RSBN1L: variants seen among roughly 807,000 people sequenced by gnomAD.
The protein encoded by RSBN1L is lysine-specific demethylase RSBN1L.
In RSBN1L, 30 loss-of-function variants were observed where a neutral mutation model predicts 67.7. The ratio of observed to expected loss-of-function variants is 0.44; its 90% CI spans 0.33 to 0.60. RSBN1L has a LOEUF of 0.60. RSBN1L is among the 20% of genes least tolerant of loss of function. RSBN1L has a pLI of 0.02. For missense variants in RSBN1L, 992 were observed against 1,031.7 expected, an observed-to-expected ratio of 0.96 and a Z score of 0.53; for synonymous variants, 433 against 387.0, an observed-to-expected ratio of 1.12 and a Z score of -1.39.
At chr7:77,725,363 C>T (rs1179105125) in intron 1 of RSBN1L, among the ~76,000 whole-genome samples, 2 of 48,514 alleles carry the variant, frequency 4.1e-5, no homozygotes, top group African/African-American at 4.3e-4. Context: ...ATTCTCCTGC[C>T]TCAGCCTCCC....
At chr7:77,732,104 CTT>C (rs1791279154) in intron 1 of RSBN1L, among the ~76,000 whole-genome samples, 1 of 151,998 alleles carries the variant, frequency 6.6e-6, no homozygotes, top group Non-Finnish European at 1.5e-5. Context: ...TGTTAGAATT[CTT>C]ACTTTTATTC....
chr7:77,723,786 T>C (rs1458242919), intron 1 of RSBN1L, among the ~76,000 whole-genome samples: 1 of 151,934 alleles, frequency 6.6e-6, no homozygotes, highest in Non-Finnish European at 1.5e-5. Flanking sequence ...ATACAAAAAT[T>C]AGCTGGACAT....
chr7:77,778,237 C>A, intron 6 of RSBN1L, 101 bp from the exon 7 acceptor site: 1 of 743,902 alleles, frequency 1.3e-6, no homozygotes, highest in Non-Finnish European at 2.2e-6. Context: ...TAAGACAGTA[C>A]TATGGTATTG....
chr7:77,754,267 C>G (rs1474245258), intron 3 of RSBN1L, among the ~76,000 whole-genome samples: 2 of 152,116 alleles, frequency 1.3e-5, no homozygotes, highest in South Asian at 4.1e-4. Flanking sequence ...TTCCTTGGCT[C>G]TTTACATTTC....
intron 2 of RSBN1L, among the ~76,000 whole-genome samples, chr7:77,746,900 G>A (rs1791491391): frequency 6.6e-6 from 1 of 152,214 alleles, no homozygotes. Context: ...CCCACATCCA[G>A]GACACTCTCA....
chr7:77,716,832 A>G (rs1791055746), intron 1 of RSBN1L, among the ~76,000 whole-genome samples: 1 of 151,866 alleles, frequency 6.6e-6, no homozygotes, highest in Non-Finnish European at 1.5e-5. Flanking sequence ...GGGTTTCACC[A>G]TGTTGACCAG....
chr7:77,777,028 A>G (rs1040935132), intron 6 of RSBN1L, among the ~76,000 whole-genome samples: 1 of 147,946 alleles, frequency 6.8e-6, no homozygotes, highest in African/African-American at 2.5e-5. Context: ...TACCTCCATG[A>G]TTTGGTTAGT....
intron 1 of RSBN1L, among the ~76,000 whole-genome samples, chr7:77,703,909 C>A (rs1317988593): frequency 2.0e-5 from 3 of 152,132 alleles, no homozygotes; most frequent in Admixed American, 1.3e-4. Context: ...CCTGCTTCAC[C>A]CTCCCCAGTA....
chr7:77,739,649 G>T (rs1458467934), intron 2 of RSBN1L, among the ~76,000 whole-genome samples: 3 of 138,838 alleles, frequency 2.2e-5, no homozygotes, highest in African/African-American at 8.0e-5. Flanking sequence ...GGAGGCAAAG[G>T]CTGCAGCCGA....
chr7:77,735,335 C>T (rs1369592997), intron 1 of RSBN1L, among the ~76,000 whole-genome samples: 2 of 152,006 alleles, frequency 1.3e-5, no homozygotes, highest in African/African-American at 4.8e-5. Context: ...TGTAAAATAT[C>T]TCATCATTTA....
rs1791783371 is a variant in RSBN1L, at chr7:77,767,404, C to CCAG, written c.1483-1257_1483-1256insCAG. ...TTGTTTTTGGTTTCAGATGGAGTCT[C>CCAG]GCTGTGTCATCCAGGCTGGAGGGCA... On this transcript the variant is annotated intron_variant, in intron 4 of 7. Transcript: ENST00000334955. 2.0e-5 allele frequency among the ~76,000 whole-genome samples: 3 copies of CCAG among 151,738 alleles called. 1 individual carries two copies. In the South Asian group the frequency reaches 6.2e-4, roughly 31 times the overall value.
At position 77,696,620 on chromosome 7, in the gene RSBN1L, A is replaced by G. The variant is rs1212346468; in HGVS notation, c.151A>G (p.Lys51Glu). The G allele has an allele frequency of 3.1e-6, 5 of 1,614,028 alleles. No homozygotes were observed. Among genetic ancestry groups the G allele is most frequent in the African/African-American group, 1.3e-5 (1 of 75,046 alleles). The change falls in exon 1 of 8, where the codon AAG (lysine) becomes GAG (glutamate). Residue 51 changes from lysine (K) to glutamate (E), a missense_variant. Physicochemically the swap from Lys to Glu is moderately conservative, Grantham distance 56. This residue lies in a region of RSBN1L where 575 missense variants were observed against 483.2 expected (regional missense o/e 1.19). Transcript: ENST00000334955. Reference sequence around the variant, plus strand: ...CAAGAAGGTCCGGACTGAGGAGAAGAAGGCACCGCGGAGAGTGAACGGAGA... The same window carrying G: ...CAAGAAGGTCCGGACTGAGGAGAAGGAGGCACCGCGGAGAGTGAACGGAGA... ...SAKKVRTEEK[K>E]APRRVNGEGG...
At chr7:77,752,706 A>C (rs1046998349) in intron 3 of RSBN1L, among the ~76,000 whole-genome samples, 3 of 152,202 alleles carry the variant, frequency 2.0e-5, no homozygotes, top group African/African-American at 7.2e-5. Flanking sequence ...AACTTGATGA[A>C]TCTTCACAGG....
At chr7:77,761,436 G>A (rs1182772764) in intron 3 of RSBN1L, among the ~76,000 whole-genome samples, 3 of 152,102 alleles carry the variant, frequency 2.0e-5, no homozygotes, top group Non-Finnish European at 4.4e-5. Flanking sequence ...CCACCTCACC[G>A]CCCTTGAGTT....
At chr7:77,742,180 A>AAACACACACACACACACAC (rs1554340015) in intron 2 of RSBN1L, among the ~76,000 whole-genome samples, 1 of 82,180 alleles carries the variant, frequency 1.2e-5, no homozygotes, top group African/African-American at 6.2e-5. Flanking sequence ...AAAAAAAAAA[A>AAACACACACACACACACAC]ATACACACAC....
At chr7:77,758,177 T>C (rs77445032) in intron 3 of RSBN1L, among the ~76,000 whole-genome samples, 16,621 of 152,128 alleles carry the variant, frequency 0.11, 1,336 homozygotes, top group African/African-American at 0.21. Context: ...TTGTGAATTA[T>C]ATATATTTTA....
At chr7:77,716,282 A>T (rs1315458405) in intron 1 of RSBN1L, among the ~76,000 whole-genome samples, 4 of 151,852 alleles carry the variant, frequency 2.6e-5, no homozygotes, top group Non-Finnish European at 5.9e-5. Flanking sequence ...TTGGGTCAAG[A>T]TTCCCTTTGT....
At chr7:77,708,848 G>A (rs183077130) in intron 1 of RSBN1L, among the ~76,000 whole-genome samples, 1 of 152,322 alleles carries the variant, frequency 6.6e-6, no homozygotes, top group East Asian at 1.9e-4. Flanking sequence ...GTTAAATGAA[G>A]TGATTTTACT....
chr7:77,716,624 CTTTTTTTTTTTTTTTT>C (rs61611975), intron 1 of RSBN1L, among the ~76,000 whole-genome samples: 1 of 75,290 alleles, frequency 1.3e-5, no homozygotes, highest in East Asian at 3.9e-4. Context: ...GTATCTTCAT[CTTTTTTTTTTTTTTTT>C]TTTTTTTTTT....
Sources: gnomAD v4.1 joint callset for allele counts (sites outside exome capture counted in the v4.1 genomes callset) on GRCh38, gnomAD v4.1.1 for gene constraint, gnomAD v4.1.1 regional missense constraint, MANE v1.5 for transcripts, NCBI Gene and HGNC (gene_info 2026-07-23, HGNC 2026-07-21) for gene names.